The following SOX5 variants were observed in gnomAD, a reference collection of about 807,000 sequenced individuals.
SOX5 encodes the protein transcription factor SOX-5.
A neutral mutation model predicts 92.0 loss-of-function variants in SOX5; 9 were observed. The observed-to-expected ratio is 0.10, with a 90% CI of 0.06 to 0.17. SOX5 has a LOEUF of 0.17. SOX5 is among the 10% of genes least tolerant of loss of function. The probability of loss-of-function intolerance (pLI) is 1.00; values close to 1 mark genes in which losing one functional copy is unlikely to be tolerated. For synonymous variants in SOX5, 344 were observed against 336.3 expected (o/e 1.02, Z -0.25); for missense variants, 642 against 944.5 (o/e 0.68, Z 4.20).
intron 1 of SOX5, among the ~76,000 whole-genome samples, chr12:24,384,589 G>A (rs557786039): frequency 2.2e-4 from 34 of 152,286 alleles, no homozygotes; most frequent in African/African-American, 7.5e-4. Context: ...TCCACGGTAA[G>A]AACTAATTTA....
chr12:24,486,572 G>A (rs534371528), intron 1 of SOX5, among the ~76,000 whole-genome samples: 5 of 152,074 alleles, frequency 3.3e-5, no homozygotes, highest in East Asian at 1.9e-4. Context: ...CTCTCTTCTC[G>A]ATCTTTCTCA....
chr12:24,051,128 T>C (rs568832917), intron 4 of SOX5, among the ~76,000 whole-genome samples: 22 of 152,282 alleles, frequency 1.4e-4, no homozygotes, highest in African/African-American at 5.1e-4. Flanking sequence ...CCAATGAGCA[T>C]AGAAGACATT....
chr12:23,978,805 A>C lies in SOX5; in HGVS notation c.-1-82781T>G, dbSNP rs142735006. Among the ~76,000 whole-genome samples the C allele has an allele frequency of 2.4e-4, 37 of 152,310 alleles. 2 individuals carry two copies. The highest frequency in any genetic ancestry group is 8.2e-4 in the African/African-American group (34 of 41,574). ...TTAATTTTTGTACCTCTATAAAGGAATTATATTTTTCCCAAATACTCTATT... is the reference window on the plus strand; with the variant it reads ...TTAATTTTTGTACCTCTATAAAGGACTTATATTTTTCCCAAATACTCTATT... On this transcript the variant is annotated intron_variant, in intron 4 of 4. Coordinates refer to the SOX5 transcript ENST00000446891.
At chr12:24,216,099 C>A (rs1388721676) in intron 3 of SOX5, among the ~76,000 whole-genome samples, 1 of 152,200 alleles carries the variant, frequency 6.6e-6, no homozygotes, top group African/African-American at 2.4e-5. Flanking sequence ...TTGAAATTCC[C>A]TGAGTGATAG....
intron 11 of SOX5, among the ~76,000 whole-genome samples, chr12:23,555,498 T>C (rs1264662961): frequency 1.3e-5 from 2 of 151,612 alleles, no homozygotes; most frequent in Admixed American, 1.3e-4. Flanking sequence ...AAAAAAAACC[T>C]TTAAAAAGCT....
chr12:23,553,584 T>C (rs1201698280), intron 11 of SOX5, among the ~76,000 whole-genome samples: 2 of 152,050 alleles, frequency 1.3e-5, no homozygotes, highest in East Asian at 3.8e-4. Flanking sequence ...TGTCTTTATA[T>C]ATGGTCAGGC....
intron 4 of SOX5, among the ~76,000 whole-genome samples, chr12:23,960,219 G>T (rs549185220): frequency 2.0e-5 from 3 of 151,986 alleles, no homozygotes; most frequent in African/African-American, 7.3e-5. Flanking sequence ...TACACAAGAA[G>T]AGAAAAAGTA....
rs71059907 is a variant in SOX5 at position 23,577,191 on chromosome 12, A to ATATATATT, written c.1165-1354_1165-1353insAATATATA. 6.0e-3 allele frequency among the ~76,000 whole-genome samples: 367 copies of ATATATATT among 61,378 alleles called. 5 individuals carry two copies. Among genetic ancestry groups the ATATATATT allele is most frequent in the Non-Finnish European group, 8.5e-3 (265 of 31,230 alleles). The allele number at this position is 61,378 out of a possible 152,430, so 40.3% of individuals were successfully genotyped here. The stretch of plus-strand genomic sequence containing the variant: ...CACACACACACATATATATATATAT[A>ATATATATT]TTTTTTTTTTTTTTTTTTTTTGAGA... On this transcript the variant is annotated intron_variant, in intron 9 of 14. Transcript: ENST00000451604.
chr12:23,996,580 G>C (rs1411972425), intron 4 of SOX5, among the ~76,000 whole-genome samples: 2 of 152,068 alleles, frequency 1.3e-5, no homozygotes, highest in Non-Finnish European at 2.9e-5. Context: ...CAGATATGTG[G>C]ATAAATGAAA....
chr12:24,256,438 C>G (rs772300956), intron 3 of SOX5, among the ~76,000 whole-genome samples: 3 of 152,162 alleles, frequency 2.0e-5, no homozygotes, highest in Non-Finnish European at 4.4e-5. Context: ...AAGGCTTGCC[C>G]TTTGATATGG....
chr12:24,532,871 G>T (rs867759921), intron 1 of SOX5, among the ~76,000 whole-genome samples: 1 of 152,140 alleles, frequency 6.6e-6, no homozygotes, highest in Non-Finnish European at 1.5e-5. Flanking sequence ...CAAAGCGAGC[G>T]TCATAAAATG....
intron 8 of SOX5, among the ~76,000 whole-genome samples, chr12:23,624,012 G>T (rs561404967): frequency 2.1e-4 from 32 of 151,986 alleles, no homozygotes; most frequent in Non-Finnish European, 4.3e-4. Context: ...GTCTTAAAAA[G>T]GCATGGAATT....
chr12:23,831,957 T>TACACACACACACACAC (rs61053165), intron 3 of SOX5, among the ~76,000 whole-genome samples: 4,812 of 142,756 alleles, frequency 0.034, 188 homozygotes, highest in African/African-American at 0.089. Flanking sequence ...AAAGGGGAAC[T>TACACACACACACACAC]ACACACACAC....
At chr12:24,489,602 T>G (rs1302984691) in intron 1 of SOX5, among the ~76,000 whole-genome samples, 1 of 150,112 alleles carries the variant, frequency 6.7e-6, no homozygotes, top group Admixed American at 6.7e-5. Context: ...AAAATCTTCA[T>G]GCTTCCAAAT....
intron 8 of SOX5, among the ~76,000 whole-genome samples, chr12:23,624,120 A>T (rs2077487992): frequency 6.6e-6 from 1 of 152,112 alleles, no homozygotes; most frequent in Non-Finnish European, 1.5e-5. Flanking sequence ...AAGTAACAAG[A>T]GGTGCCTAGA....
intron 3 of SOX5, among the ~76,000 whole-genome samples, chr12:23,808,361 C>G (rs2095818112): frequency 6.6e-6 from 1 of 152,080 alleles, no homozygotes; most frequent in Admixed American, 6.6e-5. Flanking sequence ...TCATGACACT[C>G]TCTTCCAATG....
chr12:23,635,766 T>C (rs74071375), intron 8 of SOX5, among the ~76,000 whole-genome samples: 281 of 152,162 alleles, frequency 1.8e-3, no homozygotes, highest in African/African-American at 6.5e-3. Flanking sequence ...GAAAGACCAG[T>C]TTAGGGGCTG....
chr12:23,537,973 A>G (rs1940977011), intron 13 of SOX5, among the ~76,000 whole-genome samples: 2 of 151,722 alleles, frequency 1.3e-5, no homozygotes, highest in Admixed American at 1.3e-4. Flanking sequence ...TGATTTAAAA[A>G]TCTATTTGCA....
intron 4 of SOX5, among the ~76,000 whole-genome samples, chr12:24,090,290 T>TA (rs1292838061): frequency 6.6e-6 from 1 of 152,126 alleles, no homozygotes; most frequent in Non-Finnish European, 1.5e-5. Context: ...AGTTATAATT[T>TA]ATCTCACTTT....
Sources: gnomAD v4.1 joint callset for allele counts (sites outside exome capture counted in the v4.1 genomes callset) on GRCh38, gnomAD v4.1.1 for gene constraint, MANE v1.5 for transcripts, NCBI Gene and HGNC (gene_info 2026-07-23, HGNC 2026-07-21) for gene names.